Variants in C5orf34 observed in about 807,000 individuals in gnomAD.
C5orf34 encodes the protein uncharacterized protein C5orf34.
C5orf34 carries 73 observed loss-of-function variants against 78.4 expected under a neutral mutation model. The observed-to-expected ratio is 0.93, with a 90% CI of 0.77 to 1.13. C5orf34 has a LOEUF of 1.13. Ranked by LOEUF, C5orf34 falls within the 50% of genes most tolerant of loss-of-function variation. C5orf34 has a pLI of 0.00. For synonymous variants in C5orf34, 251 were observed against 246.6 expected (o/e 1.02, Z -0.17); for missense variants, 730 against 732.7 (o/e 1.00, Z 0.04).
chr5:43,487,576 A>AC (rs1661713829), intron 12 of C5orf34, among the ~76,000 whole-genome samples: 1 of 152,176 alleles, frequency 6.6e-6, no homozygotes, highest in Non-Finnish European at 1.5e-5. Context: ...GTGAGAATGT[A>AC]CAGAATGAAA....
intron 6 of C5orf34, chr5:43,495,983 TCA>T: frequency 6.3e-7 from 1 of 1,590,880 alleles, no homozygotes. Flanking sequence ...GTAGGGTGGC[TCA>T]GTGGAATCCA....
intron 1 of C5orf34, among the ~76,000 whole-genome samples, chr5:43,509,690 C>T (rs866921932): frequency 5.9e-5 from 9 of 152,000 alleles, no homozygotes; most frequent in Admixed American, 2.6e-4. Flanking sequence ...TATTTAGAAG[C>T]TTATAACTTC....
intron 11 of C5orf34, 129 bp from the exon 12 acceptor site, chr5:43,488,078 T>C (rs1745134030): frequency 7.7e-6 from 5 of 649,018 alleles, no homozygotes; most frequent in South Asian, 2.0e-5. Flanking sequence ...GAATTCTCTT[T>C]ATGTTACCTT....
intron 6 of C5orf34, among the ~76,000 whole-genome samples, chr5:43,497,114 A>C (rs1239861684): frequency 6.6e-6 from 1 of 152,084 alleles, no homozygotes; most frequent in East Asian, 1.9e-4. Flanking sequence ...AATTATTTAC[A>C]GGCGGAGGTT....
intron 11 of C5orf34, among the ~76,000 whole-genome samples, chr5:43,490,045 A>G (rs954085252): frequency 6.6e-6 from 1 of 152,152 alleles, no homozygotes; most frequent in African/African-American, 2.4e-5. Context: ...ACTATCTTCT[A>G]TCTCCACAGG....
intron 6 of C5orf34, chr5:43,495,517 A>G (rs1300122385): frequency 5.0e-6 from 8 of 1,608,840 alleles, no homozygotes; most frequent in Non-Finnish European, 6.8e-6. Context: ...TGACAGACAC[A>G]TTCTTGACAT....
intron 6 of C5orf34, among the ~76,000 whole-genome samples, chr5:43,496,931 T>C (rs1488292269): frequency 6.6e-6 from 1 of 152,152 alleles, no homozygotes; most frequent in African/African-American, 2.4e-5. Context: ...TACATTAACA[T>C]GGTAACCAAA....
At chr5:43,512,812 C>T (rs1340012090) in intron 1 of C5orf34, among the ~76,000 whole-genome samples, 2 of 102,714 alleles carry the variant, frequency 1.9e-5, no homozygotes, top group East Asian at 6.5e-4. Context: ...GAGACAGAGT[C>T]TTGCTCTGTT....
At chr5:43,496,301 C>G in intron 6 of C5orf34, 1 of 1,584,388 alleles carries the variant, frequency 6.3e-7, no homozygotes, top group Non-Finnish European at 8.6e-7. Context: ...TTGAAGGAGT[C>G]CTTTCCCATC....
chr5:43,507,612 AT>A (rs1366211580), intron 3 of C5orf34, among the ~76,000 whole-genome samples: 2 of 152,366 alleles, frequency 1.3e-5, no homozygotes, highest in African/African-American at 2.4e-5. Context: ...ACAATATAAA[AT>A]TACTCAGCCG....
intron 6 of C5orf34, 74 bp downstream of exon 6, chr5:43,502,298 C>T: frequency 6.7e-7 from 1 of 1,485,088 alleles, no homozygotes; most frequent in Non-Finnish European, 9.3e-7. Flanking sequence ...CCAAATTTCC[C>T]ATATATATTT....
At chr5:43,488,119 G>A in intron 11 of C5orf34, 170 bp from the exon 12 acceptor site, 1 of 591,148 alleles carries the variant, frequency 1.7e-6, no homozygotes, top group South Asian at 2.1e-5. Context: ...TGACTCAACT[G>A]ATACTTACTG....
intron 3 of C5orf34, among the ~76,000 whole-genome samples, chr5:43,507,943 T>G (rs935621140): frequency 1.3e-5 from 2 of 152,086 alleles, no homozygotes; most frequent in African/African-American, 4.8e-5. Context: ...CCGGGTGTGG[T>G]GGCGGGTGCC....
chr5:43,508,797 T>G, intron 2 of C5orf34, 131 bp from the exon 3 acceptor site: 1 of 681,834 alleles, frequency 1.5e-6, no homozygotes, highest in Non-Finnish European at 2.5e-6. Flanking sequence ...ATTTTGGTAT[T>G]CAAAGAGTAG....
chr5:43,490,977 CAAAAT>C (rs961473818), intron 10 of C5orf34, among the ~76,000 whole-genome samples: 8 of 152,110 alleles, frequency 5.3e-5, no homozygotes, highest in South Asian at 2.1e-4. Flanking sequence ...ATTTAAGAAT[CAAAAT>C]AAAGGCGATA....
chr5:43,492,796 T>C lies in C5orf34; in HGVS notation c.1409A>G (p.Lys470Arg), dbSNP rs377598879. The change falls in exon 9 of 13, where the codon AAA (lysine) becomes AGA (arginine). Residue 470 changes from lysine to arginine, a missense_variant. Lys to Arg is a conservative substitution (Grantham distance 26, BLOSUM62 2). Transcript: ENST00000306862. ...VGRFLAYSDD[K>R]VHAIFLDGIT... The stretch of plus-strand genomic sequence containing the variant: ...GCCATCTAAAAAGATAGCATGTACT[T>C]TGTCATCAGAGTAGGCAAGAAATCT... The C allele has an allele frequency of 1.2e-5, 20 of 1,613,256 alleles. No individual in the cohort carries two copies. Among genetic ancestry groups the C allele is most frequent in the East Asian group, 2.2e-5 (1 of 44,754 alleles).
At chr5:43,496,471 A>G in intron 6 of C5orf34, 1 of 1,553,742 alleles carries the variant, frequency 6.4e-7, no homozygotes, top group Non-Finnish European at 8.6e-7. Flanking sequence ...TTTTAGGGGT[A>G]GTTTTCACAA....
At chr5:43,502,620 A>G (rs1444995802) in intron 5 of C5orf34, 125 bp from the exon 6 acceptor site, 2 of 618,990 alleles carry the variant, frequency 3.2e-6, no homozygotes, top group Admixed American at 3.0e-5. Flanking sequence ...TTGCCTGTCC[A>G]GTGAAGCAGA....
chr5:43,494,950 A>G, intron 6 of C5orf34: 4 of 807,242 alleles, frequency 5.0e-6, no homozygotes, highest in Non-Finnish European at 8.0e-6. Context: ...AGGTTTTACG[A>G]TGCATTGTTA....
Sources: gnomAD v4.1 joint callset for allele counts (sites outside exome capture counted in the v4.1 genomes callset) on GRCh38, gnomAD v4.1.1 for gene constraint, MANE v1.5 for transcripts, NCBI Gene and HGNC (gene_info 2026-07-23, HGNC 2026-07-21) for gene names.